Variants in CNTNAP5 observed in about 807,000 individuals in gnomAD.
The protein encoded by CNTNAP5 is contactin associated protein family member 5.
In CNTNAP5, 72 loss-of-function variants were observed where a neutral mutation model predicts 150.2. The ratio of observed to expected loss-of-function variants is 0.48; its 90% confidence interval spans 0.40 to 0.58. The LOEUF (loss-of-function observed/expected upper bound fraction) is 0.58. CNTNAP5 is among the 20% of genes least tolerant of loss of function. The probability of loss-of-function intolerance (pLI) is 0.00; values close to 1 mark genes in which losing one functional copy is unlikely to be tolerated. For synonymous variants in CNTNAP5, 672 were observed against 619.8 expected (o/e 1.08, Z -1.25); for missense variants, 1,636 against 1,626.2 (o/e 1.01, Z -0.10).
chr2:124,789,110 A>C (rs1033407754), intron 17 of CNTNAP5, among the ~76,000 whole-genome samples: 1 of 152,164 alleles, frequency 6.6e-6, no homozygotes, highest in Non-Finnish European at 1.5e-5. Context: ...ACTCCACTGC[A>C]CTGCACTGTG....
chr2:124,045,706 A>T (rs1681513717), intron 1 of CNTNAP5, among the ~76,000 whole-genome samples: 2 of 152,222 alleles, frequency 1.3e-5, no homozygotes, highest in African/African-American at 4.8e-5. Context: ...AATAATATTA[A>T]TAACCTTCTT....
intron 2 of CNTNAP5, among the ~76,000 whole-genome samples, chr2:124,240,283 C>A (rs1417498965): frequency 1.3e-5 from 2 of 152,164 alleles, no homozygotes; most frequent in Admixed American, 1.3e-4. Context: ...TTCATGTGAT[C>A]TTTCCATACT....
At chr2:124,673,764 TA>T (rs34165774) in intron 13 of CNTNAP5, among the ~76,000 whole-genome samples, 37,215 of 142,836 alleles carry the variant, frequency 0.26, 4,895 homozygotes, top group African/African-American at 0.37. Context: ...CCTACAGCAT[TA>T]AAAAAAAAAA....
chr2:124,200,900 C>T (rs533634616), intron 1 of CNTNAP5, among the ~76,000 whole-genome samples: 2 of 152,256 alleles, frequency 1.3e-5, no homozygotes, highest in African/African-American at 2.4e-5. Flanking sequence ...CCTTGTTTGT[C>T]TTCTGTAGCA....
At chr2:124,657,560 G>A (rs1296721302) in intron 13 of CNTNAP5, among the ~76,000 whole-genome samples, 4 of 152,042 alleles carry the variant, frequency 2.6e-5, no homozygotes, top group African/African-American at 4.8e-5. Flanking sequence ...TCCCCACAGC[G>A]GATATCCCAG....
intron 16 of CNTNAP5, among the ~76,000 whole-genome samples, chr2:124,769,834 G>C (rs1681152714): frequency 6.6e-6 from 1 of 152,056 alleles, no homozygotes; most frequent in Admixed American, 6.5e-5. Context: ...GCTTACTTAG[G>C]TACAGCTTAC....
intron 19 of CNTNAP5, among the ~76,000 whole-genome samples, chr2:124,801,098 C>T (rs1399570508): frequency 1.3e-5 from 2 of 152,076 alleles, no homozygotes; most frequent in Admixed American, 6.6e-5. Flanking sequence ...GGAAAGATAC[C>T]CTGATTTAGA....
chr2:124,616,925 C>T (rs1677505115), intron 12 of CNTNAP5, among the ~76,000 whole-genome samples: 1 of 151,864 alleles, frequency 6.6e-6, no homozygotes, highest in African/African-American at 2.4e-5. Context: ...CATGATGCCC[C>T]AAAACAATTA....
At chr2:124,597,125 G>T (rs1238217497) in intron 11 of CNTNAP5, among the ~76,000 whole-genome samples, 2 of 150,258 alleles carry the variant, frequency 1.3e-5, no homozygotes, top group African/African-American at 2.4e-5. Context: ...TTTAATTGGA[G>T]CATTTAGTCC....
At chr2:124,209,968 T>C (rs1404057485) in intron 1 of CNTNAP5, among the ~76,000 whole-genome samples, 2 of 152,124 alleles carry the variant, frequency 1.3e-5, no homozygotes, top group Non-Finnish European at 2.9e-5. Flanking sequence ...GCCAATAAAT[T>C]GGCAAATCCA....
chr2:124,854,187 G>A (rs1427699423), intron 19 of CNTNAP5, among the ~76,000 whole-genome samples: 3 of 152,112 alleles, frequency 2.0e-5, no homozygotes, highest in Admixed American at 6.5e-5. Context: ...GTATTCCGTA[G>A]CACTGATCAA....
chr2:124,909,333 C>T (rs954310542), intron 22 of CNTNAP5, among the ~76,000 whole-genome samples: 1 of 152,142 alleles, frequency 6.6e-6, no homozygotes, highest in Non-Finnish European at 1.5e-5. Context: ...GCTATACAGG[C>T]GTGTAGCCTG....
chr2:124,238,928 T>C (rs1015649736), intron 2 of CNTNAP5, among the ~76,000 whole-genome samples: 5 of 152,210 alleles, frequency 3.3e-5, no homozygotes, highest in Admixed American at 1.3e-4. Context: ...TTAGCTGTAA[T>C]GCGGGGAGCA....
intron 3 of CNTNAP5, among the ~76,000 whole-genome samples, chr2:124,261,302 T>C (rs1687446791): frequency 6.6e-6 from 1 of 152,140 alleles, no homozygotes; most frequent in Non-Finnish European, 1.5e-5. Context: ...AAAGCCTCGC[T>C]GCCCAAACTC....
At chr2:124,229,768 G>C (rs560998142) in intron 2 of CNTNAP5, among the ~76,000 whole-genome samples, 1 of 152,224 alleles carries the variant, frequency 6.6e-6, no homozygotes, top group South Asian at 2.1e-4. Flanking sequence ...TGAAGCCACG[G>C]AGTTGTGGGT....
intron 10 of CNTNAP5, among the ~76,000 whole-genome samples, chr2:124,542,504 A>G (rs1695411189): frequency 6.6e-6 from 1 of 151,786 alleles, no homozygotes; most frequent in Admixed American, 6.6e-5. Context: ...GCCTGCCACA[A>G]AGCAGCCAGC....
intron 10 of CNTNAP5, among the ~76,000 whole-genome samples, chr2:124,558,875 G>A (rs1695822853): frequency 6.6e-6 from 1 of 152,180 alleles, no homozygotes; most frequent in Admixed American, 6.5e-5. Context: ...TTGCCAGGAT[G>A]AAATTGGACT....
rs202034392 is a variant in CNTNAP5, at chr2:124,200,530, T to TA, written c.83-21166dup. Among the ~76,000 whole-genome samples the TA allele has an allele frequency of 6.7e-3, 1,019 of 151,158 alleles. 12 individuals are homozygous for TA. Among genetic ancestry groups the TA allele is most frequent in the African/African-American group, 0.021 (876 of 41,224 alleles). ...AATATGCTTTTATTTTGAATTGTGG[T>TA]AAAAAAAAACACTTAACATGAGATT... On this transcript the variant is annotated intron_variant, in intron 1 of 23. Transcript: ENST00000682447.
At chr2:124,491,464 G>GAGAC (rs1165346832) in intron 7 of CNTNAP5, among the ~76,000 whole-genome samples, 1 of 151,682 alleles carries the variant, frequency 6.6e-6, no homozygotes, top group African/African-American at 2.4e-5. Context: ...GAGAGAGAGA[G>GAGAC]AGAGAGATGT....
Sources: gnomAD v4.1 joint callset for allele counts (sites outside exome capture counted in the v4.1 genomes callset) on GRCh38, gnomAD v4.1.1 for gene constraint, MANE v1.5 for transcripts, NCBI Gene and HGNC (gene_info 2026-07-23, HGNC 2026-07-21) for gene names.